AKAP6: variants seen among roughly 807,000 people sequenced by gnomAD.
AKAP6 encodes the protein A-kinase anchor protein 6.
A neutral mutation model predicts 188.5 loss-of-function variants in AKAP6; 58 were observed. The observed-to-expected ratio is 0.31, with a 90% CI of 0.25 to 0.38. The LOEUF is 0.38. Among genes scored for constraint, AKAP6 ranks in the 10% least tolerant of loss-of-function variants. The probability of loss-of-function intolerance (pLI) is 1.00; values close to 1 mark genes in which losing one functional copy is unlikely to be tolerated. For synonymous variants in AKAP6, 989 were observed against 998.6 expected (o/e 0.99, Z 0.18); for missense variants, 2,710 against 2,740.0 (o/e 0.99, Z 0.24).
In AKAP6 at chr14:32,544,044, A is replaced by C. The variant is rs186584532; in HGVS notation, c.577-1186A>C. Among the ~76,000 whole-genome samples, 12 of 152,312 alleles carry C rather than the reference A, an allele frequency of 7.9e-5. No homozygotes were observed. The East Asian group carries it at 2.3e-3, about 29-fold the overall frequency. On this transcript the variant is annotated intron_variant, in intron 3 of 13. Coordinates refer to ENST00000280979, the MANE Select transcript of AKAP6 (RefSeq NM_004274.5). ...AAGGTCTGAAGGGAGAGAACATTCC[A>C]AAAACAAAAACAAACAAATGAGCAG...
intron 7 of AKAP6, among the ~76,000 whole-genome samples, chr14:32,676,531 C>T (rs1430901846): frequency 6.6e-6 from 1 of 152,146 alleles, no homozygotes; most frequent in African/African-American, 2.4e-5. Flanking sequence ...ATACCCCCTA[C>T]TCCCAGCTGA....
At position 32,546,427 on chromosome 14, in the gene AKAP6, A is replaced by G. The variant is rs142097557; in HGVS notation, c.1774A>G (p.Met592Val). ...ATCCTCTGTTGGCTCAGACAACATC[A>G]TGTCTCCGGTGCCACTTCTTTCAAA... is the stretch of plus-strand genomic sequence containing the variant. ...SESSVGSDNI[M>V]SPVPLLSKHK... Residue 592 changes from methionine to valine, a missense_variant, in exon 4 of 14, where the codon ATG (methionine) becomes GTG (valine). By Grantham distance (21) the Met-to-Val change is conservative (BLOSUM62 1). Coordinates refer to ENST00000280979, the MANE Select transcript of AKAP6 (RefSeq NM_004274.5). 980 of 1,614,150 alleles carry G rather than the reference A, an allele frequency of 6.1e-4. 4 individuals carry two copies. In the African/African-American group the frequency reaches 0.012, roughly 20 times the overall value.
At chr14:32,516,574 CT>C (rs1387093540) in intron 2 of AKAP6, among the ~76,000 whole-genome samples, 1 of 152,122 alleles carries the variant, frequency 6.6e-6, no homozygotes, top group African/African-American at 2.4e-5. Flanking sequence ...TATTGCTATT[CT>C]GAAACTATCG....
At chr14:32,622,338 A>C (rs927494666) in intron 7 of AKAP6, among the ~76,000 whole-genome samples, 1 of 152,184 alleles carries the variant, frequency 6.6e-6, no homozygotes, top group Non-Finnish European at 1.5e-5. Flanking sequence ...AGAAAACTTT[A>C]ATGTTTTTTT....
chr14:32,767,992 T>A (rs549714860), intron 11 of AKAP6, among the ~76,000 whole-genome samples: 1 of 152,304 alleles, frequency 6.6e-6, no homozygotes, highest in South Asian at 2.1e-4. Flanking sequence ...TGCCACCAGC[T>A]CTTAAGAACA....
chr14:32,514,474 T>C (rs1157797576), intron 2 of AKAP6, among the ~76,000 whole-genome samples: 1 of 152,192 alleles, frequency 6.6e-6, no homozygotes, highest in African/African-American at 2.4e-5. Flanking sequence ...CCAAAGGTCA[T>C]ACAATGAGTC....
intron 2 of AKAP6, among the ~76,000 whole-genome samples, chr14:32,446,104 A>C (rs1215981295): frequency 6.6e-6 from 1 of 152,200 alleles, no homozygotes; most frequent in African/African-American, 2.4e-5. Context: ...ACTTGATGTC[A>C]TTACCATAAG....
intron 7 of AKAP6, among the ~76,000 whole-genome samples, chr14:32,618,512 C>CA (rs1886679788): frequency 6.6e-6 from 1 of 152,140 alleles, no homozygotes; most frequent in Non-Finnish European, 1.5e-5. Context: ...CAAGTTGGTA[C>CA]AAAAGACATT....
intron 4 of AKAP6, among the ~76,000 whole-genome samples, chr14:32,555,978 GTTTTT>G (rs557261677): frequency 7.0e-6 from 1 of 143,098 alleles, no homozygotes; most frequent in Non-Finnish European, 1.5e-5. Context: ...ATTGCTGGAT[GTTTTT>G]TTTTTTTGAG....
intron 11 of AKAP6, among the ~76,000 whole-genome samples, chr14:32,761,630 C>G (rs1340884457): frequency 1.3e-5 from 2 of 152,050 alleles, no homozygotes; most frequent in Admixed American, 1.3e-4. Context: ...CTACATTATC[C>G]CTAGGAATTC....
At position 32,545,981 on chromosome 14, in the gene AKAP6, C is replaced by T; in HGVS notation, c.1328C>T (p.Ser443Phe). The T allele has an allele frequency of 2.5e-6, 4 of 1,614,214 alleles. No homozygotes were observed. The Middle Eastern group carries it at 6.6e-4, about 266-fold the overall frequency. Residue 443 changes from serine (S) to phenylalanine (F), a missense_variant, in exon 4 of 14, where the codon TCT becomes TTT. Ser to Phe is a radical substitution (Grantham distance 155). This residue lies in a region of AKAP6 where 2,473 missense variants were observed against 2,426.1 expected (regional missense o/e 1.02). Coordinates refer to ENST00000280979, the MANE Select transcript of AKAP6 (RefSeq NM_004274.5). ...DRSKLCLVLQ[S>F]SYPNSPSAAS... ...TCCAAACTTTGCCTGGTATTGCAGT[C>T]TTCTTACCCCAACAGCCCTTCTGCT...
Position 32,822,044 on chromosome 14 carries a change from C to CA in AKAP6, c.4236dup (p.Phe1413IlefsTer4), listed in dbSNP as rs1566736002. On this transcript the variant is annotated frameshift_variant, in exon 13 of 14. Transcript: ENST00000280979. LOFTEE classifies it high-confidence loss of function. Reference sequence around the variant, plus strand: ...GGGAGATGCAGTTAACGTGTTAAAGCAAAAATTTACAGATGAGGGGGAAAG... The same window carrying CA: ...GGGAGATGCAGTTAACGTGTTAAAGCAAAAAATTTACAGATGAGGGGGAAAG... The CA allele has an allele frequency of 6.2e-7, 1 of 1,613,848 alleles. No homozygotes were observed. Among genetic ancestry groups the CA allele is most frequent in the Non-Finnish European group, 8.5e-7 (1 of 1,179,926 alleles).
chr14:32,658,804 A>G lies in AKAP6; in HGVS notation c.2731-19507A>G, dbSNP rs8013267. 2.6e-5 allele frequency among the ~76,000 whole-genome samples: 4 copies of G among 151,052 alleles called. No homozygotes were observed. The South Asian group carries it at 8.3e-4, about 31-fold the overall frequency. On this transcript the variant is annotated intron_variant, in intron 7 of 13. Coordinates refer to ENST00000280979, the MANE Select transcript of AKAP6 (RefSeq NM_004274.5). ...TTAAAAAAAAAAAAAAAGCCTAACT[A>G]TATTTCTTTCTTGTTTACTGGCCAA... is the stretch of plus-strand genomic sequence containing the variant.
chr14:32,345,883 A>C (rs1887049791), intron 1 of AKAP6, among the ~76,000 whole-genome samples: 1 of 152,240 alleles, frequency 6.6e-6, no homozygotes, highest in African/African-American at 2.4e-5. Flanking sequence ...ATTTCCCTCT[A>C]TCCACAGATG....
At chr14:32,373,882 A>C (rs1888083690) in intron 1 of AKAP6, among the ~76,000 whole-genome samples, 1 of 152,236 alleles carries the variant, frequency 6.6e-6, no homozygotes, top group East Asian at 1.9e-4. Flanking sequence ...AAGTCTTTAT[A>C]GGAAGAAAAA....
chr14:32,665,672 C>T lies in AKAP6; in HGVS notation c.2731-12639C>T, dbSNP rs564055391. On this transcript the variant is annotated intron_variant, in intron 7 of 13. Transcript: ENST00000280979. ...TAAGACTCACAATCAGAAAGGCAGG[C>T]GAACATTAGAGTCCTGCTTTAGGGC... is the stretch of plus-strand genomic sequence containing the variant. Among the ~76,000 whole-genome samples, 22 of 152,122 alleles carry T rather than the reference C, an allele frequency of 1.4e-4. 1 individual carries two copies. Among genetic ancestry groups the T allele is most frequent in the South Asian group, 6.2e-4 (3 of 4,824 alleles).
chr14:32,714,237 GATC>G (rs1395608496), intron 9 of AKAP6, among the ~76,000 whole-genome samples: 4 of 151,972 alleles, frequency 2.6e-5, no homozygotes, highest in Non-Finnish European at 1.5e-5. Context: ...ACTGGTCACA[GATC>G]ATCATAACAG....
At chr14:32,524,718 T>A (rs781123437) in intron 2 of AKAP6, among the ~76,000 whole-genome samples, 1 of 152,190 alleles carries the variant, frequency 6.6e-6, no homozygotes, top group Non-Finnish European at 1.5e-5. Flanking sequence ...AGTGGTGGGC[T>A]ACCTTTCAAG....
intron 1 of AKAP6, among the ~76,000 whole-genome samples, chr14:32,394,038 C>T (rs962335300): frequency 1.3e-5 from 2 of 152,154 alleles, no homozygotes; most frequent in Non-Finnish European, 2.9e-5. Flanking sequence ...CAAATGCTCT[C>T]ACCTACAGAG....
Sources: gnomAD v4.1 joint callset for allele counts (sites outside exome capture counted in the v4.1 genomes callset) on GRCh38, gnomAD v4.1.1 for gene constraint, gnomAD v4.1.1 regional missense constraint, MANE v1.5 for transcripts, NCBI Gene and HGNC (gene_info 2026-07-23, HGNC 2026-07-21) for gene names.